NUP210: variants seen among roughly 807,000 people sequenced by gnomAD.
The protein encoded by NUP210 is nuclear pore membrane glycoprotein 210.
In NUP210, 151 loss-of-function variants were observed where a neutral mutation model predicts 196.0. That is an observed-to-expected ratio of 0.77 (90% confidence interval 0.67 to 0.88). The LOEUF (loss-of-function observed/expected upper bound fraction) is 0.88, where lower values mean the gene tolerates loss of function less well. Among genes scored for constraint, NUP210 ranks in the 40% least tolerant of loss-of-function variants. The probability of loss-of-function intolerance (pLI) is 0.00; values close to 1 mark genes in which losing one functional copy is unlikely to be tolerated. For missense variants in NUP210, 2,314 were observed against 2,493.7 expected (o/e 0.93, Z 1.53); for synonymous variants, 1,070 against 1,052.7 (o/e 1.02, Z -0.32).
chr3:13,343,342 G>GGGGGGGGGC, intron 20 of NUP210, 39 bp from the exon 21 acceptor site: 4 of 655,982 alleles, frequency 6.1e-6, no homozygotes, highest in African/African-American at 2.0e-5. Flanking sequence ...TGGGTGGTGG[G>GGGGGGGGGC]TTACGCAGCT....
Position 13,358,263 on chromosome 3 carries a change from G to T in NUP210, c.2287C>A (p.Leu763Met), listed in dbSNP as rs1698251772. 6.2e-7 allele frequency: 1 copy of T among 1,613,394 alleles called. No homozygotes were observed. Among genetic ancestry groups the T allele is most frequent in the Non-Finnish European group, 8.5e-7 (1 of 1,179,792 alleles). Residue 763 changes from leucine (L) to methionine (M), a missense_variant, in exon 16 of 40, where the codon CTG (leucine) becomes ATG (methionine). Transcript: ENST00000254508. The part of the protein sequence containing the change: ...TLAPVYTSPQ[L>M]DMSCPLLQQN... ...TGCAGCAGCGGACAGGACATGTCCAGCTGGGGGCTGGTGTAGACAGGCGCG... is the reference window on the plus strand; with the variant it reads ...TGCAGCAGCGGACAGGACATGTCCATCTGGGGGCTGGTGTAGACAGGCGCG...
chr3:13,384,586 T>C (rs929489524), intron 6 of NUP210, among the ~76,000 whole-genome samples: 1 of 152,130 alleles, frequency 6.6e-6, no homozygotes, highest in Non-Finnish European at 1.5e-5. Context: ...TAAAATAAAG[T>C]AACTTTAAAA....
chr3:13,338,240 G>C (rs1384232773), intron 25 of NUP210, among the ~76,000 whole-genome samples: 1 of 152,190 alleles, frequency 6.6e-6, no homozygotes, highest in Non-Finnish European at 1.5e-5. Flanking sequence ...CTTAGGCCTG[G>C]CTGCCCTCAA....
chr3:13,402,260 G>T (rs1007262719), intron 1 of NUP210, among the ~76,000 whole-genome samples: 1 of 151,910 alleles, frequency 6.6e-6, no homozygotes, highest in African/African-American at 2.4e-5. Context: ...AAAGTCTATG[G>T]GGGGAAAAGA....
intron 21 of NUP210, among the ~76,000 whole-genome samples, chr3:13,342,641 T>C (rs913003189): frequency 6.6e-6 from 1 of 152,220 alleles, no homozygotes; most frequent in African/African-American, 2.4e-5. Flanking sequence ...TTCTATCCAC[T>C]GAGGAACCTG....
At chr3:13,412,764 G>C (rs578020799) in intron 1 of NUP210, among the ~76,000 whole-genome samples, 4 of 151,720 alleles carry the variant, frequency 2.6e-5, no homozygotes, top group Non-Finnish European at 4.4e-5. Flanking sequence ...GAGGTCAGGA[G>C]AGCAAGACCA....
chr3:13,336,118 G>A (rs1697205749), intron 27 of NUP210, among the ~76,000 whole-genome samples: 2 of 152,244 alleles, frequency 1.3e-5, no homozygotes, highest in South Asian at 2.1e-4. Context: ...CACTAGACAA[G>A]CTTCAGGCAG....
At chr3:13,372,590 G>A (rs1337509037) in intron 12 of NUP210, among the ~76,000 whole-genome samples, 1 of 152,188 alleles carries the variant, frequency 6.6e-6, no homozygotes, top group African/African-American at 2.4e-5. Context: ...TGTGGGATGT[G>A]TTCTGAATGT....
chr3:13,318,026 C>G (rs1163753959), intron 39 of NUP210, among the ~76,000 whole-genome samples: 1 of 152,166 alleles, frequency 6.6e-6, no homozygotes, highest in Non-Finnish European at 1.5e-5. Flanking sequence ...GAACGTGTCT[C>G]AAGTTTCAGG....
intron 6 of NUP210, among the ~76,000 whole-genome samples, chr3:13,383,293 C>T (rs1389199993): frequency 6.6e-6 from 1 of 152,168 alleles, no homozygotes; most frequent in South Asian, 2.1e-4. Flanking sequence ...TGCCATCAAT[C>T]GCACAGGAGT....
chr3:13,332,231 T>C, intron 29 of NUP210, 62 bp downstream of exon 29: 1 of 1,326,092 alleles, frequency 7.5e-7, no homozygotes, highest in Non-Finnish European at 1.1e-6. Context: ...TGTTGACACA[T>C]GAGGTGTCGG....
chr3:13,389,477 G>A (rs187209081), intron 4 of NUP210, among the ~76,000 whole-genome samples: 8 of 152,268 alleles, frequency 5.3e-5, no homozygotes, highest in East Asian at 3.9e-4. Context: ...GGTGGGTAAC[G>A]TTCCCTGGCT....
intron 3 of NUP210, among the ~76,000 whole-genome samples, chr3:13,393,313 G>A (rs1425629207): frequency 1.3e-5 from 2 of 152,184 alleles, no homozygotes; most frequent in Non-Finnish European, 2.9e-5. Context: ...AGAGAATCAT[G>A]CCTGCAGACA....
chr3:13,362,657 C>G (rs1046391971), intron 14 of NUP210, among the ~76,000 whole-genome samples: 1 of 152,236 alleles, frequency 6.6e-6, no homozygotes, highest in Non-Finnish European at 1.5e-5. Context: ...CTGGGCATCC[C>G]TCCCTGCACA....
chr3:13,406,458 C>G (rs930003236), intron 1 of NUP210, among the ~76,000 whole-genome samples: 7 of 152,166 alleles, frequency 4.6e-5, no homozygotes, highest in Non-Finnish European at 1.0e-4. Context: ...GCCCATGTAG[C>G]CACTCAGCCC....
At chr3:13,413,771 G>A (rs896694886) in intron 1 of NUP210, among the ~76,000 whole-genome samples, 4 of 152,206 alleles carry the variant, frequency 2.6e-5, no homozygotes, top group African/African-American at 9.6e-5. Flanking sequence ...GATGGTGGAG[G>A]TGGCTGCACA....
At chr3:13,320,645 A>AC (rs1696485084) in intron 36 of NUP210, among the ~76,000 whole-genome samples, 1 of 147,808 alleles carries the variant, frequency 6.8e-6, no homozygotes, top group African/African-American at 2.5e-5. Context: ...AAAAAAAAAA[A>AC]AAAAAACTTT....
In NUP210 at chr3:13,317,430, G is replaced by A. The variant is rs954175111; in HGVS notation, c.*251C>T. On this transcript the variant is annotated 3_prime_UTR_variant, in exon 40 of 40. Coordinates refer to ENST00000254508, the MANE Select transcript of NUP210 (RefSeq NM_024923.4). ...AAACCCTAGACAACCATGCAAAAAG[G>A]AATGAGCCAAAAAGTCTTAGCTTTG... 10 of 517,898 alleles carry A rather than the reference G, an allele frequency of 1.9e-5. No homozygotes were observed. Among genetic ancestry groups the A allele is most frequent in the African/African-American group, 1.7e-4 (9 of 51,632 alleles). The allele number at this position is 517,898 out of a possible 1,614,324, so 32.1% of individuals were successfully genotyped here.
At chr3:13,394,541 G>A (rs1433135316) in intron 3 of NUP210, among the ~76,000 whole-genome samples, 2 of 152,230 alleles carry the variant, frequency 1.3e-5, no homozygotes, top group African/African-American at 4.8e-5. Flanking sequence ...CAGCTCAGGC[G>A]ACAGAGTCAG....
Sources: allele counts gnomAD v4.1 joint callset (sites outside exome capture counted in the v4.1 genomes callset), GRCh38; gene constraint gnomAD v4.1.1; transcripts MANE v1.5; gene names NCBI Gene and HGNC (gene_info 2026-07-23, HGNC 2026-07-21).